The following TPRG1 variants were observed in gnomAD, a reference collection of about 807,000 sequenced individuals.
TPRG1 encodes the protein tumor protein p63 regulated 1.
In TPRG1, 29 loss-of-function variants were observed where a neutral mutation model predicts 29.3. The observed-to-expected ratio is 0.99, with a 90% CI of 0.74 to 1.35. The LOEUF is 1.35. Among genes scored for constraint, TPRG1 ranks in the 40% most tolerant of loss-of-function variants. The pLI, the probability that TPRG1 is intolerant of heterozygous loss-of-function variation, is 0.00. For synonymous variants in TPRG1, 130 were observed against 116.8 expected, an observed-to-expected ratio of 1.11 and a Z score of -0.73; for missense variants, 327 against 335.0, an observed-to-expected ratio of 0.98 and a Z score of 0.19.
intron 1 of TPRG1, among the ~76,000 whole-genome samples, chr3:189,100,757 G>T (rs1245492616): frequency 1.3e-5 from 2 of 152,122 alleles, no homozygotes; most frequent in Non-Finnish European, 2.9e-5. Context: ...AGCTTGGATA[G>T]CCTTCTTGAC....
At chr3:189,270,804 A>C (rs1714996034) in intron 4 of TPRG1, among the ~76,000 whole-genome samples, 3 of 152,306 alleles carry the variant, frequency 2.0e-5, no homozygotes, top group African/African-American at 7.2e-5. Flanking sequence ...CCTGAAGGCC[A>C]CAAAGCTAGC....
At chr3:189,137,983 A>G (rs1723998833) in intron 3 of TPRG1, among the ~76,000 whole-genome samples, 1 of 152,194 alleles carries the variant, frequency 6.6e-6, no homozygotes, top group Non-Finnish European at 1.5e-5. Flanking sequence ...AAAGGAAAAA[A>G]GAGAGCTGCC....
chr3:189,278,437 C>G (rs1376057737), intron 4 of TPRG1, among the ~76,000 whole-genome samples: 1 of 152,150 alleles, frequency 6.6e-6, no homozygotes, highest in African/African-American at 2.4e-5. Context: ...GCTTTACGTA[C>G]TGTGAGCAGA....
intron 1 of TPRG1, among the ~76,000 whole-genome samples, chr3:189,101,235 C>G (rs1048543162): frequency 1.3e-5 from 2 of 152,096 alleles, no homozygotes; most frequent in Non-Finnish European, 2.9e-5. Flanking sequence ...GAGTTCCTTC[C>G]CTATCTTCTG....
At chr3:189,145,367 A>AAAAAAAAAAAAAAC (rs1725124760) in intron 3 of TPRG1, among the ~76,000 whole-genome samples, 3 of 151,260 alleles carry the variant, frequency 2.0e-5, no homozygotes, top group South Asian at 2.2e-4. Context: ...TCTAAAAAAA[A>AAAAAAAAAAAAAAC]AAAAAACATG....
At chr3:189,186,369 A>G (rs181114847) in intron 1 of TPRG1, among the ~76,000 whole-genome samples, 39 of 152,340 alleles carry the variant, frequency 2.6e-4, no homozygotes, top group Admixed American at 1.9e-3. Flanking sequence ...CTGGGAGGGA[A>G]CAGCTAATGA....
chr3:189,126,320 A>G (rs1038828289), intron 1 of TPRG1, among the ~76,000 whole-genome samples: 2 of 152,214 alleles, frequency 1.3e-5, no homozygotes, highest in African/African-American at 4.8e-5. Flanking sequence ...CTGCTTTCAG[A>G]CAGAACTTGA....
chr3:189,067,867 A>G (rs1048508322), intron 4 of TPRG1, among the ~76,000 whole-genome samples: 1 of 152,210 alleles, frequency 6.6e-6, no homozygotes, highest in Non-Finnish European at 1.5e-5. Context: ...AAAGGAAACA[A>G]TCGACAAAAA....
chr3:189,055,688 C>G (rs1286651133), intron 4 of TPRG1, among the ~76,000 whole-genome samples: 1 of 152,160 alleles, frequency 6.6e-6, no homozygotes, highest in Non-Finnish European at 1.5e-5. Context: ...GCCCTCCCAA[C>G]AAAGAGATGG....
At chr3:189,067,531 C>T (rs1474516692) in intron 4 of TPRG1, among the ~76,000 whole-genome samples, 1 of 152,144 alleles carries the variant, frequency 6.6e-6, no homozygotes, top group African/African-American at 2.4e-5. Flanking sequence ...CTGCAGTGAA[C>T]TCTTTCTCAA....
intron 3 of TPRG1, among the ~76,000 whole-genome samples, chr3:189,009,476 G>A (rs559377570): frequency 3.4e-4 from 52 of 152,166 alleles, no homozygotes; most frequent in East Asian, 9.7e-4. Flanking sequence ...GAGGGCCTGC[G>A]AAATTGGATA....
chr3:189,229,976 C>T (rs1343021421), intron 3 of TPRG1, among the ~76,000 whole-genome samples: 1 of 152,204 alleles, frequency 6.6e-6, no homozygotes, highest in Non-Finnish European at 1.5e-5. Context: ...GTTCTTCCCT[C>T]CTTGCAGCCT....
chr3:189,133,996 G>A (rs1384259692), intron 3 of TPRG1, among the ~76,000 whole-genome samples: 4 of 152,170 alleles, frequency 2.6e-5, no homozygotes, highest in Non-Finnish European at 4.4e-5. Context: ...AGTGTTATCT[G>A]GACTACTCAT....
At chr3:189,152,403 A>C (rs1408792515) in intron 5 of TPRG1, among the ~76,000 whole-genome samples, 4 of 152,176 alleles carry the variant, frequency 2.6e-5, no homozygotes, top group Non-Finnish European at 4.4e-5. Flanking sequence ...TCCAAATTAG[A>C]GGGAACCCCC....
At chr3:189,130,204 G>A (rs1002966735) in intron 2 of TPRG1, among the ~76,000 whole-genome samples, 5 of 152,236 alleles carry the variant, frequency 3.3e-5, no homozygotes, top group African/African-American at 7.2e-5. Flanking sequence ...GCATAGTACC[G>A]AGTATGTTGG....
At chr3:189,220,371 T>C (rs970852876) in intron 3 of TPRG1, among the ~76,000 whole-genome samples, 1 of 152,204 alleles carries the variant, frequency 6.6e-6, no homozygotes, top group Admixed American at 6.5e-5. Flanking sequence ...TGAGCACTTA[T>C]AAAATGCACC....
chr3:189,255,188 A>G (rs1235700787), intron 4 of TPRG1, among the ~76,000 whole-genome samples: 1 of 152,124 alleles, frequency 6.6e-6, no homozygotes, highest in African/African-American at 2.4e-5. Context: ...TTATTTTGAG[A>G]TATGTTCCAT....
chr3:189,060,768 T>C (rs1031376039), intron 4 of TPRG1, among the ~76,000 whole-genome samples: 82 of 152,084 alleles, frequency 5.4e-4, no homozygotes, highest in Non-Finnish European at 3.7e-4. Flanking sequence ...ATGAGAATTT[T>C]GAAACTCTGC....
At chr3:189,234,070 G>A (rs1431144458) in intron 3 of TPRG1, among the ~76,000 whole-genome samples, 1 of 152,146 alleles carries the variant, frequency 6.6e-6, no homozygotes, top group East Asian at 1.9e-4. Flanking sequence ...GTAGAGACAA[G>A]GTCTCCCTGT....
Sources: allele counts gnomAD v4.1 joint callset (sites outside exome capture counted in the v4.1 genomes callset), GRCh38; gene constraint gnomAD v4.1.1; transcripts MANE v1.5; gene names NCBI Gene and HGNC (gene_info 2026-07-23, HGNC 2026-07-21).